The following ALMS1 variants were observed in gnomAD, a reference collection of about 807,000 sequenced individuals.
The protein encoded by ALMS1 is centrosome-associated protein ALMS1.
ALMS1 carries 271 observed loss-of-function variants against 352.2 expected under a neutral mutation model. The ratio of observed to expected loss-of-function variants is 0.77; its 90% confidence interval spans 0.70 to 0.85. The LOEUF is 0.85. Ranked by LOEUF, ALMS1 falls within the 40% of genes least tolerant of loss-of-function variation. The pLI, the probability that ALMS1 is intolerant of heterozygous loss-of-function variation, is 0.00. For missense variants in ALMS1, 5,445 were observed against 4,870.7 expected, an observed-to-expected ratio of 1.12 and a Z score of -3.51; for synonymous variants, 1,865 against 1,761.2, an observed-to-expected ratio of 1.06 and a Z score of -1.48.
At chr2:73,521,974 C>T (rs1406349885) in intron 11 of ALMS1, among the ~76,000 whole-genome samples, 1 of 151,972 alleles carries the variant, frequency 6.6e-6, no homozygotes, top group South Asian at 2.1e-4. Flanking sequence ...TACAAAAAAT[C>T]GTATGTTAAC....
At chr2:73,402,304 C>T (rs557853646) in intron 1 of ALMS1, among the ~76,000 whole-genome samples, 16 of 137,760 alleles carry the variant, frequency 1.2e-4, no homozygotes, top group African/African-American at 4.4e-4. Flanking sequence ...GACAGAATCT[C>T]GCTCTGTTGC....
chr2:73,516,825 G>A (rs1673566950), intron 10 of ALMS1, among the ~76,000 whole-genome samples: 1 of 152,164 alleles, frequency 6.6e-6, no homozygotes, highest in South Asian at 2.1e-4. Flanking sequence ...TTGACTGAGA[G>A]TCTAGTGAGT....
chr2:73,567,663 A>G (rs1306052749), intron 15 of ALMS1, among the ~76,000 whole-genome samples: 1 of 152,188 alleles, frequency 6.6e-6, no homozygotes, highest in South Asian at 2.1e-4. Context: ...CTCAACAAAT[A>G]ATGCCAAGAT....
chr2:73,573,572 A>G, intron 16 of ALMS1, 148 bp downstream of exon 16: 1 of 801,450 alleles, frequency 1.2e-6, no homozygotes, highest in Non-Finnish European at 2.2e-6. Context: ...GAGAAAGTGT[A>G]GTACAGTGCT....
chr2:73,602,042 A>G, intron 19 of ALMS1, 143 bp from the exon 20 acceptor site: 2 of 858,522 alleles, frequency 2.3e-6, no homozygotes, highest in Non-Finnish European at 3.7e-6. Flanking sequence ...ATGTCAGAGG[A>G]TTCTTCAACG....
At chr2:73,418,494 A>G (rs1343829113) in intron 2 of ALMS1, among the ~76,000 whole-genome samples, 1 of 152,220 alleles carries the variant, frequency 6.6e-6, no homozygotes, top group Non-Finnish European at 1.5e-5. Context: ...CCACGAAGAA[A>G]GTGGCTCAAC....
intron 7 of ALMS1, among the ~76,000 whole-genome samples, chr2:73,445,549 A>C (rs1671794935): frequency 6.6e-6 from 1 of 152,144 alleles, no homozygotes; most frequent in South Asian, 2.1e-4. Flanking sequence ...GAAGTATGGA[A>C]TTGTACCTCA....
intron 15 of ALMS1, among the ~76,000 whole-genome samples, chr2:73,560,934 A>G (rs960189653): frequency 1.3e-5 from 2 of 152,248 alleles, no homozygotes; most frequent in East Asian, 1.9e-4. Flanking sequence ...CAGCAGACTC[A>G]CGTCCAAAGG....
intron 9 of ALMS1, among the ~76,000 whole-genome samples, chr2:73,487,401 G>C (rs563371372): frequency 2.6e-4 from 39 of 152,302 alleles, no homozygotes; most frequent in African/African-American, 8.7e-4. Flanking sequence ...CAGATGTACT[G>C]TGCGTGGCTT....
intron 13 of ALMS1, 128 bp from the exon 14 acceptor site, chr2:73,557,092 C>T: frequency 6.3e-6 from 8 of 1,275,330 alleles, no homozygotes; most frequent in Non-Finnish European, 8.0e-6. Context: ...CAGGTGGAGC[C>T]TAAGAGGTAC....
chr2:73,449,221 TG>T lies in ALMS1; in HGVS notation c.2697del (p.Ile900TyrfsTer33). 1.2e-6 allele frequency: 2 copies of T among 1,614,138 alleles called. No individual in the cohort carries two copies. The highest frequency in any genetic ancestry group is 1.7e-6 in the Non-Finnish European group (2 of 1,180,006). On this transcript the variant is annotated frameshift_variant, in exon 8 of 23. Coordinates refer to ENST00000613296, the MANE Select transcript of ALMS1 (RefSeq NM_001378454.1). LOFTEE classifies it high-confidence loss of function. ...TTCCTGGACCAGGTGATCAGAAGAC[TG>T]GGATACCCTCAGCACCATCTAGTTT... ...IVPGPGDQKT[G>X]IPSAPSSFYS... is the part of the protein sequence containing the mutation.
At position 73,455,072 on chromosome 2, in the gene ALMS1, A is replaced by T. The variant is rs571249860; in HGVS notation, c.7541-90A>T. On this transcript the variant is annotated intron_variant, in intron 8 of 22. Coordinates refer to ENST00000613296, the MANE Select transcript of ALMS1 (RefSeq NM_001378454.1). ...TACTAAGCATTGCAGTGGGTATTAAATTGCATATATTGATGATCTTCTGTG... is the reference window on the plus strand; with the variant it reads ...TACTAAGCATTGCAGTGGGTATTAATTTGCATATATTGATGATCTTCTGTG... 2.3e-5 allele frequency: 33 copies of T among 1,424,880 alleles called. No individual in the cohort carries two copies. In the East Asian group the frequency reaches 7.5e-4, roughly 33 times the overall value. 88.3% of individuals were successfully genotyped at this position (1,424,880 alleles called of 1,614,324 possible).
At chr2:73,502,426 C>T (rs1209469384) in intron 10 of ALMS1, among the ~76,000 whole-genome samples, 1 of 152,046 alleles carries the variant, frequency 6.6e-6, no homozygotes, top group Non-Finnish European at 1.5e-5. Context: ...AATGCACTGG[C>T]TAGAACATTG....
intron 10 of ALMS1, among the ~76,000 whole-genome samples, chr2:73,512,412 G>A (rs1470266223): frequency 3.3e-5 from 5 of 150,730 alleles, no homozygotes; most frequent in Non-Finnish European, 7.4e-5. Flanking sequence ...TTTTAATTTA[G>A]CCTTCCTGAT....
chr2:73,467,843 A>G (rs1270966322), intron 9 of ALMS1, among the ~76,000 whole-genome samples: 4 of 152,136 alleles, frequency 2.6e-5, no homozygotes, highest in African/African-American at 9.6e-5. Context: ...ACAAAGAGTC[A>G]TACTGAATAA....
chr2:73,548,678 G>T (rs1222508127), intron 12 of ALMS1, among the ~76,000 whole-genome samples: 1 of 152,210 alleles, frequency 6.6e-6, no homozygotes, highest in African/African-American at 2.4e-5. Flanking sequence ...ATTTGAAGAA[G>T]ACACATCTTT....
chr2:73,407,098 G>T (rs547347271), intron 1 of ALMS1, among the ~76,000 whole-genome samples: 2 of 152,310 alleles, frequency 1.3e-5, no homozygotes, highest in East Asian at 1.9e-4. Context: ...AAGGTCAAGG[G>T]TGAGGGCCTG....
At chr2:73,477,377 G>C (rs1488353947) in intron 9 of ALMS1, among the ~76,000 whole-genome samples, 1 of 151,962 alleles carries the variant, frequency 6.6e-6, no homozygotes, top group Non-Finnish European at 1.5e-5. Flanking sequence ...GTGCTGTCTT[G>C]ATTATTGTAG....
rs1673838079 is a variant in ALMS1 at position 73,528,372 on chromosome 2, G to C, written c.9782-6452G>C. On this transcript the variant is annotated intron_variant, in intron 11 of 22. Transcript: ENST00000613296. Reference sequence around the variant, plus strand: ...TTAGGTTCTATCTCTCTCTTTAGCTGTAAGAATACTTGCTTTATATATCTG... The same window carrying C: ...TTAGGTTCTATCTCTCTCTTTAGCTCTAAGAATACTTGCTTTATATATCTG... 3.9e-5 allele frequency among the ~76,000 whole-genome samples: 6 copies of C among 152,246 alleles called. No individual in the cohort carries two copies. In the Middle Eastern group the frequency reaches 0.01, roughly 259 times the overall value.
Sources: gnomAD v4.1 joint callset for allele counts (sites outside exome capture counted in the v4.1 genomes callset) on GRCh38, gnomAD v4.1.1 for gene constraint, MANE v1.5 for transcripts, NCBI Gene and HGNC (gene_info 2026-07-23, HGNC 2026-07-21) for gene names.